Variants in TCEANC2 observed in about 807,000 individuals in gnomAD.
TCEANC2 encodes transcription elongation factor A N-terminal and central domain containing 2, also known as transcription elongation factor A N-terminal and central domain-containing protein 2.
A neutral mutation model predicts 22.8 loss-of-function variants in TCEANC2; 20 were observed. The ratio of observed to expected loss-of-function variants is 0.88; its 90% CI spans 0.62 to 1.28. The LOEUF (loss-of-function observed/expected upper bound fraction) is 1.28, where lower values mean the gene tolerates loss of function less well. TCEANC2 is among the 50% of genes most tolerant of loss of function. TCEANC2 has a pLI of 0.00. For missense variants in TCEANC2, 251 were observed against 249.7 expected (o/e 1.01, Z -0.03); for synonymous variants, 84 against 95.5 (o/e 0.88, Z 0.70).
At chr1:54,057,017 G>T (rs185460436) in intron 2 of TCEANC2, among the ~76,000 whole-genome samples, 1 of 151,538 alleles carries the variant, frequency 6.6e-6, no homozygotes, top group Non-Finnish European at 1.5e-5. Context: ...ACTGCAACCT[G>T]GGTGACAAAG....
intron 3 of TCEANC2, 31 bp downstream of exon 3, chr1:54,068,928 A>G (rs978601010): frequency 2.0e-6 from 3 of 1,513,148 alleles, no homozygotes; most frequent in Admixed American, 2.4e-5. Context: ...ATTTTTTAAG[A>G]AAGCTTATAT....
At chr1:54,091,216 G>T (rs904356591) in intron 4 of TCEANC2, among the ~76,000 whole-genome samples, 1 of 150,704 alleles carries the variant, frequency 6.6e-6, no homozygotes, top group Non-Finnish European at 1.5e-5. Flanking sequence ...TTATCAGTTT[G>T]TTATGTCAGA....
At chr1:54,076,830 G>A (rs1658153088) in intron 3 of TCEANC2, among the ~76,000 whole-genome samples, 1 of 152,328 alleles carries the variant, frequency 6.6e-6, no homozygotes. Flanking sequence ...ACATTCTAGT[G>A]AGGAGACAGG....
chr1:54,110,911 C>A (rs553508860), downstream of TCEANC2: 4 of 152,410 alleles, frequency 2.6e-5, no homozygotes, highest in East Asian at 5.8e-4. Flanking sequence ...CCTACCCTGG[C>A]CACCCTCTCT....
downstream of TCEANC2, among the ~76,000 whole-genome samples, chr1:54,108,407 A>T (rs1415114072): frequency 1.3e-5 from 2 of 152,224 alleles, no homozygotes; most frequent in Non-Finnish European, 2.9e-5. Flanking sequence ...ACATGAGATC[A>T]TATGGGTGAG....
rs904579301 is a variant in TCEANC2 at position 54,088,747 on chromosome 1, G to A, written c.395G>A (p.Arg132Lys). The A allele has an allele frequency of 1.3e-6, 2 of 1,596,626 alleles. No homozygotes were observed. Among genetic ancestry groups the A allele is most frequent in the South Asian group, 1.1e-5 (1 of 88,242 alleles). Residue 132 changes from arginine (R) to lysine (K), a missense_variant, in exon 4 of 5, where the codon AGG becomes AAG. Arg to Lys is a conservative substitution (Grantham distance 26). Coordinates refer to ENST00000234827, the MANE Select transcript of TCEANC2 (RefSeq NM_153035.3). The part of the protein sequence containing the change: ...VRSDPKTESL[R>K]KNAQKLLSEA... ...AGTGATCCCAAAACCGAGTCGTTGA[G>A]GAAAAATGCTCAGAAATTACTCTCA...
At chr1:54,080,201 T>C (rs1570010937) in intron 3 of TCEANC2, among the ~76,000 whole-genome samples, 1 of 150,936 alleles carries the variant, frequency 6.6e-6, no homozygotes, top group East Asian at 1.9e-4. Context: ...TGGAGTCCGG[T>C]GGTGCGATCT....
Position 54,088,686 on chromosome 1 carries a change from GA to G in TCEANC2, c.339del (p.Lys113AsnfsTer19). The part of the protein sequence containing the change: ...EVYTEWKTFT[E>X]KHSNRPSIEV... Reference sequence around the variant, plus strand: ...TTACACTGAGTGGAAAACTTTCACTGAAAAACATTCAAATAGACCTTCTATT... The same window carrying G: ...TTACACTGAGTGGAAAACTTTCACTGAAAACATTCAAATAGACCTTCTATT... On this transcript the variant is annotated frameshift_variant, in exon 4 of 5. Coordinates refer to ENST00000234827, the MANE Select transcript of TCEANC2 (RefSeq NM_153035.3). LOFTEE classifies it high-confidence loss of function. 1.9e-6 allele frequency: 3 copies of G among 1,611,260 alleles called. No homozygotes were observed. The highest frequency in any genetic ancestry group is 2.5e-6 in the Non-Finnish European group (3 of 1,179,122).
At position 54,103,837 on chromosome 1, in the gene TCEANC2, G is replaced by C. The variant is rs1332565739; in HGVS notation, c.*7364G>C. ...TACGAGTTCATCTTCACTGCTTGTA[G>C]AGCTTCATCCAGCACAACTCTCAAA... On this transcript the variant is annotated 3_prime_UTR_variant, in exon 5 of 5. Coordinates refer to ENST00000234827, the MANE Select transcript of TCEANC2 (RefSeq NM_153035.3). The C allele has an allele frequency of 6.6e-6, 1 of 151,930 alleles. No individual in the cohort carries two copies. Among genetic ancestry groups the C allele is most frequent in the Non-Finnish European group, 1.5e-5 (1 of 68,052 alleles). 9.4% of individuals were successfully genotyped at this position (151,930 alleles called of 1,614,324 possible).
At chr1:54,058,967 T>C (rs1284011475) in intron 2 of TCEANC2, among the ~76,000 whole-genome samples, 1 of 152,074 alleles carries the variant, frequency 6.6e-6, no homozygotes, top group Non-Finnish European at 1.5e-5. Context: ...TTGCTGTTCT[T>C]TGTATAAGCT....
Position 54,103,466 on chromosome 1 carries a change from A to G in TCEANC2, c.*6993A>G, listed in dbSNP as rs1188329521. ...CATCGGATCTCTTGAGAAGTCACTC[A>G]CTATCATGACAACAGCATGGGGGAA... On this transcript the variant is annotated 3_prime_UTR_variant, in exon 5 of 5. Coordinates refer to ENST00000234827, the MANE Select transcript of TCEANC2 (RefSeq NM_153035.3). 6.6e-6 allele frequency: 1 copy of G among 152,152 alleles called. No individual in the cohort carries two copies. Among genetic ancestry groups the G allele is most frequent in the South Asian group, 2.1e-4 (1 of 4,820 alleles). The allele number at this position is 152,152 out of a possible 1,614,324, so 9.4% of individuals were successfully genotyped here.
In TCEANC2 at chr1:54,088,622, A is replaced by C; in HGVS notation, c.270A>C (p.Lys90Asn). 4 of 1,603,716 alleles carry C rather than the reference A, an allele frequency of 2.5e-6. No homozygotes were observed. Among genetic ancestry groups the C allele is most frequent in the Non-Finnish European group, 3.4e-6 (4 of 1,177,158 alleles). ...GTCACACTGTGAACAAGATGCGTAA[A>C]CACTCAGATTCAGAAGTGGCTTCTC... ...RIGHTVNKMR[K>N]HSDSEVASLA... The change falls in exon 4 of 5, where the codon AAA becomes AAC. Residue 90 changes from lysine (K) to asparagine (N), a missense_variant. Transcript: ENST00000234827.
At chr1:54,080,881 A>G (rs1658229733) in intron 3 of TCEANC2, among the ~76,000 whole-genome samples, 1 of 152,222 alleles carries the variant, frequency 6.6e-6, no homozygotes, top group East Asian at 1.9e-4. Flanking sequence ...GGAGCAAATA[A>G]TGACTTTTTG....
At chr1:54,107,216 C>A (rs1658772426), downstream of TCEANC2, among the ~76,000 whole-genome samples, 1 of 152,112 alleles carries the variant, frequency 6.6e-6, no homozygotes, top group Admixed American at 6.5e-5. Flanking sequence ...CAGTACTGGC[C>A]AGGTGTTTCG....
At chr1:54,107,610 A>AT, downstream of TCEANC2, among the ~76,000 whole-genome samples, 1 of 152,038 alleles carries the variant, frequency 6.6e-6, no homozygotes, top group Non-Finnish European at 1.5e-5. Flanking sequence ...CTGCCATTTA[A>AT]TTTTTTTGAT....
intron 3 of TCEANC2, 115 bp from the exon 4 acceptor site, chr1:54,088,482 A>T: frequency 1.3e-6 from 1 of 750,806 alleles, no homozygotes; most frequent in Non-Finnish European, 2.1e-6. Context: ...AAGAGTCTTT[A>T]CATCCTTGGG....
At chr1:54,058,748 C>T (rs758679564) in intron 2 of TCEANC2, among the ~76,000 whole-genome samples, 3 of 152,154 alleles carry the variant, frequency 2.0e-5, no homozygotes, top group Non-Finnish European at 4.4e-5. Flanking sequence ...CCTCCACCTC[C>T]TGGGTTGAAG....
chr1:54,076,304 T>C (rs1360715049), intron 3 of TCEANC2, among the ~76,000 whole-genome samples: 1 of 152,176 alleles, frequency 6.6e-6, no homozygotes, highest in Non-Finnish European at 1.5e-5. Flanking sequence ...CCCTTTTTTG[T>C]GTTCATGAGT....
Position 54,088,765 on chromosome 1 carries a change from TA to T in TCEANC2, c.414del (p.Leu138PhefsTer8). 2 of 1,596,552 alleles carry T rather than the reference TA, an allele frequency of 1.3e-6. No homozygotes were observed. The highest frequency in any genetic ancestry group is 1.7e-6 in the Non-Finnish European group (2 of 1,170,982). On this transcript the variant is annotated frameshift_variant, in exon 4 of 5. Transcript: ENST00000234827. LOFTEE classifies it high-confidence loss of function. ...TESLRKNAQKLLSEALELKMD... is the reference protein window; with the variant it reads ...TESLRKNAQKXLSEALELKMD... ...TCGTTGAGGAAAAATGCTCAGAAAT[TA>T]CTCTCAGAAGCCTTGGAATTAAAGG...
Sources: gnomAD v4.1 joint callset for allele counts (sites outside exome capture counted in the v4.1 genomes callset) on GRCh38, gnomAD v4.1.1 for gene constraint, MANE v1.5 for transcripts, NCBI Gene and HGNC (gene_info 2026-07-23, HGNC 2026-07-21) for gene names.